Variants in DIP2C observed in about 807,000 individuals in gnomAD.
DIP2C encodes the protein DIP2 acetate--CoA ligase C (putative), also known as disco-interacting protein 2 homolog C.
A neutral mutation model predicts 192.4 loss-of-function variants in DIP2C; 33 were observed. The ratio of observed to expected loss-of-function variants is 0.17; its 90% CI spans 0.13 to 0.23. The LOEUF is 0.23. Ranked by LOEUF, DIP2C falls within the 10% of genes least tolerant of loss-of-function variation. DIP2C has a pLI of 1.00. For missense variants in DIP2C, 1,537 were observed against 2,110.1 expected (o/e 0.73, Z 5.32); for synonymous variants, 979 against 864.1 (o/e 1.13, Z -2.33).
chr10:536,241 TTC>T (rs1374140470), intron 1 of DIP2C, among the ~76,000 whole-genome samples: 1 of 152,354 alleles, frequency 6.6e-6, no homozygotes, highest in Admixed American at 6.5e-5. Flanking sequence ...CACAGCCCTT[TTC>T]TCTGTGTCTC....
intron 1 of DIP2C, among the ~76,000 whole-genome samples, chr10:577,009 G>A (rs920896126): frequency 3.3e-5 from 5 of 152,174 alleles, no homozygotes; most frequent in African/African-American, 9.7e-5. Flanking sequence ...GCTGGTAGTT[G>A]ATCCAGTTTT....
In DIP2C at chr10:481,780, C is replaced by T. The variant is rs558316716; in HGVS notation, c.157+4679G>A. On this transcript the variant is annotated intron_variant, in intron 2 of 36. Transcript: ENST00000280886. ...CTCAGGGACACTGCACATCCATCCT[C>T]GTACCACGGTAGGGACGGTCACTCA... 4.4e-3 allele frequency among the ~76,000 whole-genome samples: 673 copies of T among 152,306 alleles called. 7 individuals carry two copies. Among genetic ancestry groups the T allele is most frequent in the Non-Finnish European group, 6.2e-3 (425 of 68,024 alleles).
intron 1 of DIP2C, among the ~76,000 whole-genome samples, chr10:580,267 G>A (rs940515892): frequency 1.3e-5 from 2 of 152,130 alleles, no homozygotes; most frequent in East Asian, 1.9e-4. Flanking sequence ...TACATATGCA[G>A]TACATAGTGT....
chr10:331,180 C>G (rs946184220), intron 29 of DIP2C, among the ~76,000 whole-genome samples: 1 of 151,986 alleles, frequency 6.6e-6, no homozygotes, highest in Non-Finnish European at 1.5e-5. Context: ...AACTACTATG[C>G]TATAATACTA....
At chr10:302,835 G>C (rs3123232) in intron 32 of DIP2C, among the ~76,000 whole-genome samples, 46,783 of 152,138 alleles carry the variant, frequency 0.31, 7,678 homozygotes, top group East Asian at 0.51. Context: ...AACAGAGCTT[G>C]TAGGACGGGA....
intron 1 of DIP2C, among the ~76,000 whole-genome samples, chr10:513,573 C>A (rs947780110): frequency 2.6e-5 from 4 of 152,184 alleles, no homozygotes; most frequent in Non-Finnish European, 4.4e-5. Flanking sequence ...CGGTCCACTG[C>A]GCCACACTGC....
intron 1 of DIP2C, among the ~76,000 whole-genome samples, chr10:559,140 G>A (rs942521534): frequency 6.6e-6 from 1 of 152,244 alleles, no homozygotes; most frequent in Admixed American, 6.5e-5. Context: ...TGAGCTTGGG[G>A]CAGCAGCACT....
intron 1 of DIP2C, among the ~76,000 whole-genome samples, chr10:535,310 G>A (rs1165840012): frequency 6.6e-6 from 1 of 151,808 alleles, no homozygotes; most frequent in African/African-American, 2.4e-5. Flanking sequence ...AGCAGCAGGC[G>A]AGAGGGGCGC....
chr10:380,400 CA>C (rs1962260001), intron 17 of DIP2C, among the ~76,000 whole-genome samples: 1 of 150,086 alleles, frequency 6.7e-6, no homozygotes, highest in East Asian at 1.9e-4. Flanking sequence ...GGTTAATGCG[CA>C]GAAGAGGCTG....
intron 1 of DIP2C, among the ~76,000 whole-genome samples, chr10:490,404 T>C (rs932252671): frequency 1.3e-5 from 2 of 152,248 alleles, no homozygotes; most frequent in African/African-American, 2.4e-5. Flanking sequence ...GTGTCTGTTA[T>C]CCCGCTAGGC....
chr10:360,753 A>G (rs1959375685), intron 22 of DIP2C, among the ~76,000 whole-genome samples: 1 of 152,344 alleles, frequency 6.6e-6, no homozygotes, highest in East Asian at 1.9e-4. Context: ...TTTTGTGCTC[A>G]AATAAGATAA....
intron 1 of DIP2C, among the ~76,000 whole-genome samples, chr10:645,274 T>G (rs1855389626): frequency 6.6e-6 from 1 of 152,156 alleles, no homozygotes; most frequent in African/African-American, 2.4e-5. Flanking sequence ...AGCAGAGTCT[T>G]GTCTTGAAAA....
intron 1 of DIP2C, chr10:665,312 T>C (rs889616624): frequency 6.6e-6 from 1 of 152,204 alleles, no homozygotes; most frequent in African/African-American, 2.4e-5. Context: ...ATTCTAACAC[T>C]AATCATGGTG....
rs1308344713 is a variant in DIP2C at position 689,141 on chromosome 10, G to A, written c.85+353C>T. The stretch of plus-strand genomic sequence containing the variant: ...CCCCGCGCGGCGCCCAGGCCCCACA[G>A]ACACCCCCAGGGCGCGGGGGGATCG... On this transcript the variant is annotated intron_variant, in intron 1 of 36. Coordinates refer to ENST00000280886, the MANE Select transcript of DIP2C (RefSeq NM_014974.3). The surrounding 1 kb of genome is among the most constrained non-coding windows in gnomAD (Gnocchi z 6.1). Among the ~76,000 whole-genome samples the A allele has an allele frequency of 1.3e-5, 2 of 151,818 alleles. No homozygotes were observed. Among genetic ancestry groups the A allele is most frequent in the Non-Finnish European group, 2.9e-5 (2 of 67,888 alleles).
At chr10:471,797 G>T (rs1398939726) in intron 3 of DIP2C, among the ~76,000 whole-genome samples, 1 of 152,142 alleles carries the variant, frequency 6.6e-6, no homozygotes, top group Non-Finnish European at 1.5e-5. Flanking sequence ...CTGTTGCCCA[G>T]GCTGGAGTGC....
intron 3 of DIP2C, among the ~76,000 whole-genome samples, chr10:469,436 C>A (rs902440433): frequency 6.6e-6 from 1 of 151,856 alleles, no homozygotes; most frequent in Non-Finnish European, 1.5e-5. Context: ...CCCACCTCAG[C>A]CTCTGGAATA....
At chr10:507,237 C>T (rs1301566970) in intron 1 of DIP2C, among the ~76,000 whole-genome samples, 2 of 146,626 alleles carry the variant, frequency 1.4e-5, no homozygotes, top group Admixed American at 6.8e-5. Context: ...TGCACAGAGG[C>T]GTGAGGTTAC....
chr10:659,808 T>C (rs1402316608), intron 1 of DIP2C, among the ~76,000 whole-genome samples: 1 of 152,212 alleles, frequency 6.6e-6, no homozygotes, highest in Non-Finnish European at 1.5e-5. Flanking sequence ...TGTAAAAGCG[T>C]TTCTGTCTGA....
At chr10:624,267 G>A (rs1854058332) in intron 1 of DIP2C, among the ~76,000 whole-genome samples, 1 of 152,216 alleles carries the variant, frequency 6.6e-6, no homozygotes, top group African/African-American at 2.4e-5. Context: ...AAGTTGAGAA[G>A]GACTGAGTGG....
Sources: allele counts gnomAD v4.1 joint callset (sites outside exome capture counted in the v4.1 genomes callset), GRCh38; gene constraint gnomAD v4.1.1; non-coding constraint Gnocchi (gnomAD v3.1); transcripts MANE v1.5; gene names NCBI Gene and HGNC (gene_info 2026-07-23, HGNC 2026-07-21).